Variants in C12orf56 observed in about 807,000 individuals in gnomAD.
C12orf56 encodes the protein uncharacterized protein C12orf56.
Under a neutral mutation model 69.9 loss-of-function variants are expected in C12orf56, and 71 were observed. That is an observed-to-expected ratio of 1.02 (90% CI 0.84 to 1.24). C12orf56 has a LOEUF of 1.24. Among genes scored for constraint, C12orf56 ranks in the 50% most tolerant of loss-of-function variants. C12orf56 has a pLI of 0.00. For missense variants in C12orf56, 732 were observed against 738.5 expected (o/e 0.99, Z 0.10); for synonymous variants, 276 against 274.1 (o/e 1.01, Z -0.07).
intron 1 of C12orf56, among the ~76,000 whole-genome samples, chr12:64,376,545 A>G (rs1436430290): frequency 6.6e-6 from 1 of 152,140 alleles, no homozygotes; most frequent in Admixed American, 6.6e-5. Context: ...AGATCATTCC[A>G]TCACCCAGGT....
At chr12:64,366,219 TA>T in intron 1 of C12orf56, among the ~76,000 whole-genome samples, 1 of 75,854 alleles carries the variant, frequency 1.3e-5, no homozygotes, top group Non-Finnish European at 2.3e-5. Context: ...ATATACAGTT[TA>T]TATATTATAT....
At chr12:64,347,414 T>C (rs1474407094) in intron 2 of C12orf56, among the ~76,000 whole-genome samples, 2 of 151,528 alleles carry the variant, frequency 1.3e-5, no homozygotes, top group African/African-American at 2.4e-5. Flanking sequence ...GTCTCCTGAG[T>C]AGCTGGGATA....
At chr12:64,323,534 A>G (rs1334094709) in intron 3 of C12orf56, among the ~76,000 whole-genome samples, 1 of 151,780 alleles carries the variant, frequency 6.6e-6, no homozygotes, top group Non-Finnish European at 1.5e-5. Flanking sequence ...TAACCTCCAC[A>G]GTAACCTAAA....
At chr12:64,354,820 T>C (rs1473241327) in intron 1 of C12orf56, among the ~76,000 whole-genome samples, 1 of 146,126 alleles carries the variant, frequency 6.8e-6, no homozygotes, top group African/African-American at 2.5e-5. Flanking sequence ...GGCTCACGCC[T>C]GTAATCCCAG....
At chr12:64,317,980 A>C (rs1205919010) in intron 4 of C12orf56, among the ~76,000 whole-genome samples, 1 of 152,050 alleles carries the variant, frequency 6.6e-6, no homozygotes, top group Non-Finnish European at 1.5e-5. Context: ...CTGCTCACAC[A>C]TATTCCAGGA....
chr12:64,302,647 A>T (rs1350608092), intron 6 of C12orf56, among the ~76,000 whole-genome samples: 7 of 152,134 alleles, frequency 4.6e-5, no homozygotes, highest in Admixed American at 6.5e-5. Flanking sequence ...CACCACCATT[A>T]GCACCACACC....
intron 2 of C12orf56, among the ~76,000 whole-genome samples, chr12:64,348,820 A>G (rs1307339905): frequency 6.6e-6 from 1 of 152,166 alleles, no homozygotes; most frequent in Non-Finnish European, 1.5e-5. Flanking sequence ...ATGGTTTATA[A>G]TCAGCTATAG....
At chr12:64,345,830 T>C (rs1328431589) in intron 2 of C12orf56, among the ~76,000 whole-genome samples, 2 of 152,214 alleles carry the variant, frequency 1.3e-5, no homozygotes, top group Non-Finnish European at 2.9e-5. Flanking sequence ...AAATGTAGTA[T>C]GCATAGAGTC....
intron 12 of C12orf56, among the ~76,000 whole-genome samples, chr12:64,268,188 C>CTAAA (rs2037938683): frequency 6.6e-6 from 1 of 152,096 alleles, no homozygotes; most frequent in South Asian, 2.1e-4. Flanking sequence ...GAATCCACAC[C>CTAAA]TAAATGGCTA....
At chr12:64,365,343 T>TA (rs2039451319) in intron 1 of C12orf56, among the ~76,000 whole-genome samples, 1 of 151,834 alleles carries the variant, frequency 6.6e-6, no homozygotes, top group Non-Finnish European at 1.5e-5. Flanking sequence ...TTTTTTGTAT[T>TA]TTTAGTAGAG....
intron 1 of C12orf56, among the ~76,000 whole-genome samples, chr12:64,361,363 G>A (rs1037370792): frequency 4.6e-5 from 7 of 152,170 alleles, no homozygotes; most frequent in African/African-American, 1.7e-4. Context: ...GAGACCTGCT[G>A]GGCCACATTC....
intron 1 of C12orf56, among the ~76,000 whole-genome samples, chr12:64,360,731 A>C (rs574051620): frequency 6.6e-6 from 1 of 152,226 alleles, no homozygotes; most frequent in African/African-American, 2.4e-5. Flanking sequence ...AAGTTGAAAG[A>C]ACTGCTTTTA....
In C12orf56 at chr12:64,308,932, GAAAGAAAGAAGAAAGA is replaced by G. The variant is rs1397749472; in HGVS notation, c.968+3731_968+3746del. 6.4e-4 allele frequency among the ~76,000 whole-genome samples: 21 copies of G among 32,652 alleles called. 1 individual carries two copies. Among genetic ancestry groups the G allele is most frequent in the African/African-American group, 1.8e-3 (19 of 10,616 alleles). 21.4% of individuals were successfully genotyped at this position (32,652 alleles called of 152,430 possible). A position where few individuals can be genotyped will look rare whatever the true frequency, so the allele number is the denominator to read the frequency against. On this transcript the variant is annotated intron_variant, in intron 5 of 12. Coordinates refer to ENST00000543942, the MANE Select transcript of C12orf56 (RefSeq NM_001170633.2). The stretch of plus-strand genomic sequence containing the variant: ...AGAAAGAAAGAAAGAAAGAAAGAAA[GAAAGAAAGAAGAAAGA>G]AAGAAAGAAAGAAAGAAAGAAAGAA...
chr12:64,327,118 C>T (rs2038855882), intron 3 of C12orf56, among the ~76,000 whole-genome samples: 2 of 152,224 alleles, frequency 1.3e-5, no homozygotes, highest in South Asian at 4.1e-4. Flanking sequence ...GTGTCCCCAC[C>T]AGCAAGAACG....
At chr12:64,343,676 C>T (rs1298112214) in intron 2 of C12orf56, among the ~76,000 whole-genome samples, 2 of 152,232 alleles carry the variant, frequency 1.3e-5, no homozygotes, top group African/African-American at 4.8e-5. Flanking sequence ...ATCCATCTGT[C>T]TTCTGCACAG....
At chr12:64,352,851 T>C in intron 2 of C12orf56, 43 bp downstream of exon 2, 2 of 1,456,478 alleles carry the variant, frequency 1.4e-6, no homozygotes, top group Non-Finnish European at 1.8e-6. Context: ...TATATATACT[T>C]TTTTTTTTGC....
At chr12:64,309,333 G>A (rs1191683772) in intron 5 of C12orf56, among the ~76,000 whole-genome samples, 1 of 152,038 alleles carries the variant, frequency 6.6e-6, no homozygotes, top group East Asian at 1.9e-4. Flanking sequence ...TCTATTTTCT[G>A]TCTCTATAAA....
intron 2 of C12orf56, among the ~76,000 whole-genome samples, chr12:64,341,936 C>A (rs1010716021): frequency 6.6e-6 from 1 of 152,144 alleles, no homozygotes; most frequent in African/African-American, 2.4e-5. Context: ...GCCACTATGA[C>A]CACTTTGTTC....
intron 9 of C12orf56, among the ~76,000 whole-genome samples, chr12:64,277,247 T>G (rs887732823): frequency 6.6e-6 from 1 of 152,060 alleles, no homozygotes; most frequent in Non-Finnish European, 1.5e-5. Context: ...GAATTTATAC[T>G]GTTCATATAA....
Sources: gnomAD v4.1 joint callset for allele counts (sites outside exome capture counted in the v4.1 genomes callset) on GRCh38, gnomAD v4.1.1 for gene constraint, MANE v1.5 for transcripts, NCBI Gene and HGNC (gene_info 2026-07-23, HGNC 2026-07-21) for gene names.